FAM83G: variants seen among roughly 807,000 people sequenced by gnomAD.
The protein encoded by FAM83G is scaffolding CK1 anchoring protein G.
FAM83G carries 38 observed loss-of-function variants against 61.5 expected under a neutral mutation model. That is an observed-to-expected ratio of 0.62 (90% CI 0.48 to 0.81). The LOEUF is 0.81. Ranked by LOEUF, FAM83G falls within the 30% of genes least tolerant of loss-of-function variation. The pLI is 0.00. For synonymous variants in FAM83G, 470 were observed against 476.1 expected (o/e 0.99, Z 0.17); for missense variants, 989 against 1,133.6 (o/e 0.87, Z 1.83).
At chr17:18,978,992 C>A in intron 4 of FAM83G, 142 bp from the exon 5 acceptor site, 1 of 929,532 alleles carries the variant, frequency 1.1e-6, no homozygotes, top group Non-Finnish European at 1.6e-6. Flanking sequence ...AGAGCAGGTG[C>A]ATACTGTGGG....
rs567056527 is a variant in FAM83G, at chr17:18,991,069, G to A, written c.523-2655C>T. Among the ~76,000 whole-genome samples, 13 of 152,268 alleles carry A rather than the reference G, an allele frequency of 8.5e-5. No individual in the cohort carries two copies. The South Asian group carries it at 2.1e-3, about 24-fold the overall frequency. The stretch of plus-strand genomic sequence containing the variant: ...CTTGTTCAGGCCTCACAAGCACACC[G>A]GGAGGCAGTGGTTCTTTTTCCCATT... On this transcript the variant is annotated intron_variant, in intron 2 of 5. Coordinates refer to ENST00000388995, the MANE Select transcript of FAM83G (RefSeq NM_001039999.3).
At chr17:18,989,356 C>T (rs976830295) in intron 2 of FAM83G, among the ~76,000 whole-genome samples, 6 of 152,206 alleles carry the variant, frequency 3.9e-5, no homozygotes, top group Non-Finnish European at 7.4e-5. Flanking sequence ...GTGGAGGCGG[C>T]CTGGAGCCTG....
chr17:18,970,995 C>G lies in FAM83G; in HGVS notation c.*364G>C, dbSNP rs2042827214. ...CCGCAACCACCAAACTGTCCCTGTT[C>G]CACCCTGACCCCTCCAGCTTTTGAC... On this transcript the variant is annotated 3_prime_UTR_variant, in exon 6 of 6. Coordinates refer to ENST00000388995, the MANE Select transcript of FAM83G (RefSeq NM_001039999.3). The G allele has an allele frequency of 6.2e-7, 1 of 1,613,216 alleles. No homozygotes were observed. Among genetic ancestry groups the G allele is most frequent in the South Asian group, 1.1e-5 (1 of 91,070 alleles).
At chr17:18,982,225 G>A (rs1022415386) in intron 3 of FAM83G, among the ~76,000 whole-genome samples, 34 of 152,180 alleles carry the variant, frequency 2.2e-4, no homozygotes, top group Non-Finnish European at 1.2e-4. Flanking sequence ...ACAGCAGGGC[G>A]GGCCTCCAAC....
chr17:18,983,764 G>A (rs901858636), intron 3 of FAM83G, among the ~76,000 whole-genome samples: 6 of 152,204 alleles, frequency 3.9e-5, no homozygotes, highest in Admixed American at 6.5e-5. Context: ...TGAAGTTGGG[G>A]TGGTGGGCCC....
chr17:18,975,446 T>C (rs1338166215), intron 5 of FAM83G, among the ~76,000 whole-genome samples: 1 of 152,128 alleles, frequency 6.6e-6, no homozygotes, highest in Non-Finnish European at 1.5e-5. Context: ...TCCCAGCACT[T>C]TGGGAGGCCG....
rs957573503 is a variant in FAM83G, at chr17:18,994,633, A to G, written c.523-6219T>C. ...GCTCACGCAGGACCGGGAATAGTGT[A>G]TGTGCCCCCAGCCAGAACAGAAACC... is the stretch of plus-strand genomic sequence containing the variant. On this transcript the variant is annotated intron_variant, in intron 2 of 5. Coordinates refer to ENST00000388995, the MANE Select transcript of FAM83G (RefSeq NM_001039999.3). Among the ~76,000 whole-genome samples the G allele has an allele frequency of 3.1e-4, 47 of 152,170 alleles. 1 individual carries two copies. The highest frequency in any genetic ancestry group is 7.3e-5 in the Non-Finnish European group (5 of 68,032).
chr17:18,990,399 C>G (rs1319161031), intron 2 of FAM83G, among the ~76,000 whole-genome samples: 1 of 152,156 alleles, frequency 6.6e-6, no homozygotes, highest in Non-Finnish European at 1.5e-5. Context: ...CCTCTCCAGC[C>G]CCAGAATCTC....
chr17:18,973,061 C>T (rs2042894474), intron 5 of FAM83G, among the ~76,000 whole-genome samples: 1 of 152,198 alleles, frequency 6.6e-6, no homozygotes, highest in Non-Finnish European at 1.5e-5. Flanking sequence ...GGGCTCACAG[C>T]AGGCGTCTGC....
Position 18,978,759 on chromosome 17 carries a change from G to A in FAM83G, c.907C>T (p.Leu303=), listed in dbSNP as rs764584969. 4 of 1,612,854 alleles carry A rather than the reference G, an allele frequency of 2.5e-6. No homozygotes were observed. Among genetic ancestry groups the A allele is most frequent in the Non-Finnish European group, 3.4e-6 (4 of 1,180,022 alleles). Residue 303 remains leucine (L), a synonymous_variant, in exon 5 of 6, where the codon CTG becomes TTG. Coordinates refer to ENST00000388995, the MANE Select transcript of FAM83G (RefSeq NM_001039999.3). The part of the protein sequence containing the change: ...VEMFDRQFQE[L]YLMSHSVSLK... ...CTCACACTGTGTGACATGAGGTACA[G>A]CTCCTGGAACTGCCGGTCAAACATC...
intron 2 of FAM83G, among the ~76,000 whole-genome samples, chr17:18,993,466 G>C (rs2043482887): frequency 6.6e-6 from 1 of 152,178 alleles, no homozygotes; most frequent in Admixed American, 6.5e-5. Flanking sequence ...CACGTGACAA[G>C]CCTTACACTC....
At chr17:18,993,736 C>T (rs2043491790) in intron 2 of FAM83G, among the ~76,000 whole-genome samples, 1 of 152,188 alleles carries the variant, frequency 6.6e-6, no homozygotes, top group African/African-American at 2.4e-5. Context: ...CGTTATTCTC[C>T]AGGTCTGATG....
Position 19,003,737 on chromosome 17 carries a change from C to T in FAM83G, c.305G>A (p.Ser102Asn). Residue 102 changes from serine to asparagine, a missense_variant, in exon 2 of 6, where the codon AGC becomes AAC. By Grantham distance (46) the Ser-to-Asn change is conservative (BLOSUM62 1). Coordinates refer to ENST00000388995, the MANE Select transcript of FAM83G (RefSeq NM_001039999.3). This position sits in a 1 kb window ranked among gnomAD's most constrained non-coding sequence, Gnocchi z 4.5. The stretch of plus-strand genomic sequence containing the variant: ...CTCGATGGGGACCCCATCCGCCCCG[C>T]TGGCTTCCTCGCCGTCGCCGACCCC... ...DNGVGDGEEASGADGVPIEAE... is the reference protein window; with the variant it reads ...DNGVGDGEEANGADGVPIEAE... 6.2e-7 allele frequency: 1 copy of T among 1,605,152 alleles called. No homozygotes were observed.
chr17:18,981,336 T>C (rs573382146), intron 3 of FAM83G, among the ~76,000 whole-genome samples: 2 of 151,936 alleles, frequency 1.3e-5, no homozygotes, highest in South Asian at 4.2e-4. Context: ...GGGTGGGTGA[T>C]GGAGCCTGCA....
At chr17:19,005,336 A>C (rs1341801386), upstream of FAM83G, among the ~76,000 whole-genome samples, 3 of 152,194 alleles carry the variant, frequency 2.0e-5, no homozygotes, top group African/African-American at 7.2e-5. Context: ...GGGAGGGGCC[A>C]AGAGGGCCGC....
rs747199478 is a variant in FAM83G at position 19,003,856 on chromosome 17, C to T, written c.186G>A (p.Leu62=). Residue 62 remains leucine (L), a synonymous_variant, in exon 2 of 6, where the codon CTG becomes CTA. Coordinates refer to ENST00000388995, the MANE Select transcript of FAM83G (RefSeq NM_001039999.3). The surrounding 1 kb of genome is among the most constrained non-coding windows in gnomAD (Gnocchi z 4.5). ...RENIRDFLSE[L]ELKRILETIE... ...TGGTCTCCAGGATGCGCTTGAGCTC[C>T]AGCTCCGAGAGGAAGTCTCGGATGT... The T allele has an allele frequency of 1.9e-6, 3 of 1,613,066 alleles. No homozygotes were observed. Among genetic ancestry groups the T allele is most frequent in the Admixed American group, 3.3e-5 (2 of 60,028 alleles).
chr17:18,973,117 G>T (rs2042895623), intron 5 of FAM83G, among the ~76,000 whole-genome samples: 1 of 152,234 alleles, frequency 6.6e-6, no homozygotes, highest in South Asian at 2.1e-4. Flanking sequence ...TGGGCAAGGG[G>T]CTGGTGAAAG....
At chr17:18,980,803 C>T (rs2043112193) in intron 3 of FAM83G, among the ~76,000 whole-genome samples, 1 of 152,132 alleles carries the variant, frequency 6.6e-6, no homozygotes, top group Non-Finnish European at 1.5e-5. Context: ...AGAAATGCTC[C>T]TGGGTGCCCT....
intron 3 of FAM83G, among the ~76,000 whole-genome samples, chr17:18,986,745 G>T (rs578146129): frequency 3.9e-5 from 6 of 152,254 alleles, no homozygotes. Flanking sequence ...GCGTCTGCAC[G>T]CTGGGGGAAG....
Sources: gnomAD v4.1 joint callset for allele counts (sites outside exome capture counted in the v4.1 genomes callset) on GRCh38, gnomAD v4.1.1 for gene constraint, Gnocchi (gnomAD v3.1) non-coding constraint, MANE v1.5 for transcripts, NCBI Gene and HGNC (gene_info 2026-07-23, HGNC 2026-07-21) for gene names.